VWA8: variants seen among roughly 807,000 people sequenced by gnomAD.
VWA8 encodes von Willebrand factor A domain-containing protein 8.
Under a neutral mutation model 241.5 loss-of-function variants are expected in VWA8, and 221 were observed. The observed-to-expected ratio is 0.91, with a 90% CI of 0.82 to 1.02. VWA8 has a LOEUF of 1.02. VWA8 is among the 50% of genes least tolerant of loss of function. VWA8 has a pLI of 0.00. For missense variants in VWA8, 2,322 were observed against 2,328.7 expected, an observed-to-expected ratio of 1.00 and a Z score of 0.06; for synonymous variants, 852 against 827.1, an observed-to-expected ratio of 1.03 and a Z score of -0.52.
In VWA8 at chr13:41,692,587, G is replaced by C. The variant is rs8001713; in HGVS notation, c.3675+275C>G. On this transcript the variant is annotated intron_variant, in intron 30 of 44. Transcript: ENST00000379310. ...ATGATCAGAAATTTGTTAAAAATAC[G>C]ATATTCAAATAGTTTTTAATTTTCT... Among the ~76,000 whole-genome samples the C allele has an allele frequency of 0.077, 11,682 of 152,032 alleles. 553 individuals are homozygous for C. The highest frequency in any genetic ancestry group is 0.13 in the African/African-American group (5,500 of 41,478).
At chr13:41,580,996 TTTTATTTTATTTTA>T (rs2044378790) in intron 42 of VWA8, among the ~76,000 whole-genome samples, 1 of 76,318 alleles carries the variant, frequency 1.3e-5, no homozygotes, top group Non-Finnish European at 2.1e-5. Flanking sequence ...TTTTATTTTA[TTTTATTTTATTTTA>T]TTTTTTTTTG....
chr13:41,615,425 AG>A (rs2044614952), intron 37 of VWA8, among the ~76,000 whole-genome samples: 2 of 152,148 alleles, frequency 1.3e-5, no homozygotes, highest in Admixed American at 1.3e-4. Flanking sequence ...CTCACTGGAG[AG>A]GGGTATTTTG....
chr13:41,585,728 G>T (rs1018522868), intron 42 of VWA8, among the ~76,000 whole-genome samples: 55 of 152,036 alleles, frequency 3.6e-4, no homozygotes, highest in African/African-American at 1.2e-3. Flanking sequence ...GCCAGGCGTG[G>T]TGGCGGGCAC....
At chr13:41,769,464 G>T (rs181470847) in intron 20 of VWA8, among the ~76,000 whole-genome samples, 41 of 152,234 alleles carry the variant, frequency 2.7e-4, no homozygotes, top group African/African-American at 9.6e-4. Flanking sequence ...ATACAAGGGG[G>T]TTCATTACGT....
rs1291353413 is a variant in VWA8 at position 41,571,421 on chromosome 13, G to A, written c.5371-715C>T. On this transcript the variant is annotated intron_variant, in intron 43 of 44. Transcript: ENST00000379310. The stretch of plus-strand genomic sequence containing the variant: ...AAAGCCGAGGCTGGACTGTACTGCC[G>A]CCATCTCGGCTCACTGCAACCTCCC... 7.3e-5 allele frequency among the ~76,000 whole-genome samples: 11 copies of A among 150,466 alleles called. No individual in the cohort carries two copies. The East Asian group carries it at 1.2e-3, about 16-fold the overall frequency.
At chr13:41,729,910 A>C (rs981944826) in intron 22 of VWA8, among the ~76,000 whole-genome samples, 2 of 151,812 alleles carry the variant, frequency 1.3e-5, no homozygotes, top group Non-Finnish European at 2.9e-5. Context: ...TAAACTGCCA[A>C]CTCTACAGTT....
chr13:41,910,315 C>T (rs1237474308), intron 3 of VWA8, among the ~76,000 whole-genome samples: 4 of 151,960 alleles, frequency 2.6e-5, no homozygotes, highest in Non-Finnish European at 5.9e-5. Flanking sequence ...AAGGCTTGGC[C>T]GGGCACGGTG....
At chr13:41,960,510 T>C (rs756101349) in intron 1 of VWA8, among the ~76,000 whole-genome samples, 2 of 152,144 alleles carry the variant, frequency 1.3e-5, no homozygotes, top group Admixed American at 6.5e-5. Flanking sequence ...AATAATTCCA[T>C]AGGGCTGAGG....
intron 2 of VWA8, among the ~76,000 whole-genome samples, chr13:41,930,992 T>C (rs1038989939): frequency 3.3e-5 from 5 of 151,078 alleles, no homozygotes; most frequent in African/African-American, 1.2e-4. Context: ...CTACTAAAAA[T>C]ACAAAAATTA....
chr13:41,706,249 T>C (rs2045281834), intron 26 of VWA8, among the ~76,000 whole-genome samples: 2 of 152,224 alleles, frequency 1.3e-5, no homozygotes, highest in Admixed American at 6.5e-5. Flanking sequence ...ATGGAAATTA[T>C]ATGTTGTCTG....
intron 2 of VWA8, among the ~76,000 whole-genome samples, chr13:41,922,141 C>A (rs1467519425): frequency 6.6e-6 from 1 of 152,174 alleles, no homozygotes; most frequent in South Asian, 2.1e-4. Context: ...ACATCTACAA[C>A]CATCTGATCT....
chr13:41,645,923 A>G (rs1385232070), intron 37 of VWA8, among the ~76,000 whole-genome samples: 1 of 151,598 alleles, frequency 6.6e-6, no homozygotes, highest in Non-Finnish European at 1.5e-5. Flanking sequence ...GAGAATGTAT[A>G]TGATTTTTCT....
intron 12 of VWA8, chr13:41,864,513 T>A (rs1873196447): frequency 2.7e-6 from 1 of 372,622 alleles, no homozygotes; most frequent in Non-Finnish European, 5.2e-6. Flanking sequence ...AGGAATGAAA[T>A]TCTGATATAT....
rs1262602184 is a variant in VWA8 at position 41,811,333 on chromosome 13, G to T, written c.1955C>A (p.Ser652Ter). ...TCTGGTAGAAAGTGATGCCGCTAAT[G>T]ATTGTGCCTATCAAAAGACAAATAC... The part of the protein sequence containing the change: ...LRETQDPTAQ[S>*]LAASLSTRQL... Residue 652 changes from serine to a stop codon, truncating the protein, a stop_gained, in exon 17 of 45, where the codon TCA (serine) becomes TAA (stop). Coordinates refer to ENST00000379310, the MANE Select transcript of VWA8 (RefSeq NM_015058.2). LOFTEE classifies it high-confidence loss of function. 2 of 1,608,386 alleles carry T rather than the reference G, an allele frequency of 1.2e-6. No homozygotes were observed. Among genetic ancestry groups the T allele is most frequent in the Non-Finnish European group, 1.7e-6 (2 of 1,175,822 alleles).
intron 24 of VWA8, among the ~76,000 whole-genome samples, chr13:41,724,924 C>A (rs1376222935): frequency 2.6e-5 from 4 of 152,084 alleles, no homozygotes; most frequent in Non-Finnish European, 5.9e-5. Flanking sequence ...AAAGGTCTAC[C>A]GAAGCACGGT....
In VWA8 at chr13:41,587,593, C is replaced by A. The variant is rs1396237583; in HGVS notation, c.5190G>T (p.Arg1730Ser). ...TTGTGCGCTCAAGCCGGCCATCCAT[C>A]CTGTTGAAACGGTACATGCTACCAG... ...DVSGSMYRFN[R>S]MDGRLERTME... is the part of the protein sequence containing the mutation. Residue 1730 changes from arginine to serine, a missense_variant, in exon 42 of 45, where the codon AGG becomes AGT. Transcript: ENST00000379310. The A allele has an allele frequency of 6.2e-7, 1 of 1,614,222 alleles. No individual in the cohort carries two copies. Among genetic ancestry groups the A allele is most frequent in the Admixed American group, 1.7e-5 (1 of 60,030 alleles).
At chr13:41,684,270 T>A (rs1461798677) in intron 35 of VWA8, among the ~76,000 whole-genome samples, 1 of 152,134 alleles carries the variant, frequency 6.6e-6, no homozygotes, top group Non-Finnish European at 1.5e-5. Flanking sequence ...TATAATACAT[T>A]TAGCATTATA....
chr13:41,799,808 T>C (rs956446640), intron 17 of VWA8, among the ~76,000 whole-genome samples: 19 of 152,180 alleles, frequency 1.2e-4, no homozygotes, highest in African/African-American at 4.3e-4. Flanking sequence ...ACAATTCACC[T>C]ATTTAAAGTA....
intron 17 of VWA8, among the ~76,000 whole-genome samples, chr13:41,789,754 G>C (rs867144471): frequency 2.2e-4 from 33 of 152,240 alleles, no homozygotes; most frequent in South Asian, 1.0e-3. Context: ...GAAAGAAAAA[G>C]ACTGAGGGGT....
Sources: gnomAD v4.1 joint callset for allele counts (sites outside exome capture counted in the v4.1 genomes callset) on GRCh38, gnomAD v4.1.1 for gene constraint, MANE v1.5 for transcripts, NCBI Gene and HGNC (gene_info 2026-07-23, HGNC 2026-07-21) for gene names.